Variants in RARS1 observed in about 807,000 individuals in gnomAD.
RARS1 encodes arginyl-tRNA synthetase 1.
RARS1 carries 75 observed loss-of-function variants against 78.7 expected under a neutral mutation model. The observed-to-expected ratio is 0.95, with a 90% confidence interval of 0.79 to 1.15. The LOEUF (loss-of-function observed/expected upper bound fraction) is 1.15, where lower values mean the gene tolerates loss of function less well. Among genes scored for constraint, RARS1 ranks in the 50% most tolerant of loss-of-function variants. The pLI, the probability that RARS1 is intolerant of heterozygous loss-of-function variation, is 0.00. For synonymous variants in RARS1, 273 were observed against 268.2 expected, an observed-to-expected ratio of 1.02 and a Z score of -0.18; for missense variants, 787 against 787.5, an observed-to-expected ratio of 1.00 and a Z score of 0.01.
At chr5:168,509,448 C>G (rs1188776694) in intron 11 of RARS1, among the ~76,000 whole-genome samples, 3 of 143,998 alleles carry the variant, frequency 2.1e-5, no homozygotes, top group African/African-American at 5.0e-5. Flanking sequence ...ACCCCCCCCC[C>G]CCCACCAAAA....
chr5:168,513,834 A>T (rs1463939007), intron 12 of RARS1, among the ~76,000 whole-genome samples: 1 of 152,058 alleles, frequency 6.6e-6, no homozygotes, highest in African/African-American at 2.4e-5. Flanking sequence ...TTTTTAGCAC[A>T]GGTCTGCTGG....
chr5:168,496,144 G>A (rs1428657409), intron 6 of RARS1, among the ~76,000 whole-genome samples: 2 of 152,064 alleles, frequency 1.3e-5, no homozygotes, highest in African/African-American at 4.8e-5. Context: ...ACTTTGGGAG[G>A]CCAAGGAAGG....
At chr5:168,501,448 A>AG (rs1192559653) in intron 8 of RARS1, among the ~76,000 whole-genome samples, 1 of 152,192 alleles carries the variant, frequency 6.6e-6, no homozygotes, top group Non-Finnish European at 1.5e-5. Flanking sequence ...TTATACAAGA[A>AG]GGACATGTTC....
chr5:168,508,554 A>G (rs1230946559), intron 11 of RARS1, among the ~76,000 whole-genome samples: 1 of 139,152 alleles, frequency 7.2e-6, no homozygotes, highest in East Asian at 2.2e-4. Context: ...CGGGAGGCGG[A>G]GCTTGCAGTG....
At chr5:168,514,382 C>G (rs1297335594) in intron 12 of RARS1, among the ~76,000 whole-genome samples, 1 of 152,098 alleles carries the variant, frequency 6.6e-6, no homozygotes, top group African/African-American at 2.4e-5. Flanking sequence ...TTCTTATGCT[C>G]TAATTCATTT....
chr5:168,517,659 C>T (rs1043462150), intron 13 of RARS1, among the ~76,000 whole-genome samples, 156 bp from the exon 14 acceptor site: 1 of 150,298 alleles, frequency 6.7e-6, no homozygotes, highest in African/African-American at 2.4e-5. Context: ...TGCTTTAGAT[C>T]TGGCTATTAG....
Position 168,492,627 on chromosome 5 carries a change from A to T in RARS1, c.181-32A>T, listed in dbSNP as rs375861292. The T allele has an allele frequency of 1.6e-5, 24 of 1,508,994 alleles. No individual in the cohort carries two copies. The African/African-American group carries it at 2.8e-4, about 17-fold the overall frequency. The allele number at this position is 1,508,994 out of a possible 1,614,324, so 93.5% of individuals were successfully genotyped here. A position where few individuals can be genotyped will look rare whatever the true frequency, so the allele number is the denominator to read the frequency against. On this transcript the variant is annotated intron_variant, in intron 2 of 14. Coordinates refer to ENST00000231572, the MANE Select transcript of RARS1 (RefSeq NM_002887.4). The stretch of plus-strand genomic sequence containing the variant: ...CTTGTATGATGATGGTTTTACGTAC[A>T]TTATTGACATGTTTCCATTCTTTTC...
chr5:168,494,534 C>G lies in RARS1; in HGVS notation c.479-16C>G. On this transcript the variant is annotated splice_polypyrimidine_tract_variant and intron_variant, in intron 4 of 14. Transcript: ENST00000231572. Reference sequence around the variant, plus strand: ...GATAAGACAGTATCTGATATTTTTTCTCTTCTATCCATTAGGTTTTATTAA... The same window carrying G: ...GATAAGACAGTATCTGATATTTTTTGTCTTCTATCCATTAGGTTTTATTAA... 1 of 1,603,474 alleles carries G rather than the reference C, an allele frequency of 6.2e-7. No individual in the cohort carries two copies. The highest frequency in any genetic ancestry group is 8.5e-7 in the Non-Finnish European group (1 of 1,172,450).
At chr5:168,518,157 C>CACTG (rs1401166704) in intron 14 of RARS1, 95 bp downstream of exon 14, 2 of 1,310,736 alleles carry the variant, frequency 1.5e-6, no homozygotes, top group Non-Finnish European at 2.0e-6. Flanking sequence ...AATCATAGGT[C>CACTG]ACTGAAGCCT....
At chr5:168,501,019 T>C (rs750247876) in intron 8 of RARS1, among the ~76,000 whole-genome samples, 1 of 152,184 alleles carries the variant, frequency 6.6e-6, no homozygotes, top group Non-Finnish European at 1.5e-5. Flanking sequence ...AATGAATTTA[T>C]TCAGAAATGT....
At chr5:168,514,074 C>G (rs944868322) in intron 12 of RARS1, among the ~76,000 whole-genome samples, 1 of 152,136 alleles carries the variant, frequency 6.6e-6, no homozygotes, top group Non-Finnish European at 1.5e-5. Flanking sequence ...CTTTGAAAAT[C>G]AGTTGTAAGT....
At chr5:168,513,221 AT>A (rs35468758) in intron 12 of RARS1, among the ~76,000 whole-genome samples, 466 of 91,760 alleles carry the variant, frequency 5.1e-3, no homozygotes, top group East Asian at 0.023. Flanking sequence ...AATTTTTTGT[AT>A]TTTTTTTTTT....
intron 8 of RARS1, among the ~76,000 whole-genome samples, chr5:168,501,592 A>G (rs772536532): frequency 6.6e-6 from 1 of 152,158 alleles, no homozygotes; most frequent in Admixed American, 6.5e-5. Flanking sequence ...GCGTGGTGGC[A>G]CACGCCTGTA....
intron 13 of RARS1, among the ~76,000 whole-genome samples, chr5:168,517,155 A>G (rs569677626): frequency 3.1e-4 from 46 of 147,366 alleles, no homozygotes; most frequent in Non-Finnish European, 6.1e-4. Context: ...TTGTTTGTTT[A>G]TTTTTGAGAC....
chr5:168,488,307 T>A (rs1293868496), intron 1 of RARS1: 3 of 342,650 alleles, frequency 8.8e-6, no homozygotes. Context: ...TTTGTATTTT[T>A]AGTAGAGACA....
Position 168,517,819 on chromosome 5 carries a change from A to G in RARS1, c.1630A>G (p.Ile544Val), listed in dbSNP as rs754190393. Reference protein sequence around the residue: ...LLYAFTRIRSIARLANIDEEM... With the variant: ...LLYAFTRIRSVARLANIDEEM... The stretch of plus-strand genomic sequence containing the variant: ...GATTTTTTTGTTTTTTTTAAGGTCT[A>G]TTGCACGTCTGGCCAATATTGATGA... The change falls in exon 14 of 15, where the codon ATT becomes GTT. Residue 544 changes from isoleucine to valine, a missense_variant. Physicochemically the swap from Ile to Val is conservative, Grantham distance 29 (BLOSUM62 3). Coordinates refer to ENST00000231572, the MANE Select transcript of RARS1 (RefSeq NM_002887.4). 63 of 1,606,934 alleles carry G rather than the reference A, an allele frequency of 3.9e-5. No homozygotes were observed. The highest frequency in any genetic ancestry group is 2.2e-4 in the South Asian group (20 of 90,894).
At chr5:168,511,179 AAAGTC>A (rs1360835658) in intron 12 of RARS1, among the ~76,000 whole-genome samples, 1 of 151,102 alleles carries the variant, frequency 6.6e-6, no homozygotes, top group African/African-American at 2.4e-5. Flanking sequence ...GAGGAATTGA[AAAGTC>A]AACAAGAAAA....
chr5:168,491,581 A>G (rs1758085263), intron 2 of RARS1, among the ~76,000 whole-genome samples: 1 of 152,186 alleles, frequency 6.6e-6, no homozygotes, highest in African/African-American at 2.4e-5. Context: ...GGGAGCATAA[A>G]ACTTGGACTG....
intron 12 of RARS1, among the ~76,000 whole-genome samples, chr5:168,512,548 A>G (rs1758584904): frequency 6.6e-6 from 1 of 152,216 alleles, no homozygotes; most frequent in Non-Finnish European, 1.5e-5. Context: ...GATGTTTATT[A>G]AGTATTAACT....
Sources: gnomAD v4.1 joint callset for allele counts (sites outside exome capture counted in the v4.1 genomes callset) on GRCh38, gnomAD v4.1.1 for gene constraint, MANE v1.5 for transcripts, NCBI Gene and HGNC (gene_info 2026-07-23, HGNC 2026-07-21) for gene names.